Variants in DAPK2 observed in about 807,000 individuals in gnomAD.
DAPK2 encodes death associated protein kinase 2.
Under a neutral mutation model 44.1 loss-of-function variants are expected in DAPK2, and 35 were observed. The observed-to-expected ratio is 0.79, with a 90% CI of 0.61 to 1.05. The LOEUF (loss-of-function observed/expected upper bound fraction) is 1.05, where lower values mean the gene tolerates loss of function less well. Ranked by LOEUF, DAPK2 falls within the 50% of genes least tolerant of loss-of-function variation. DAPK2 has a pLI of 0.00. For missense variants in DAPK2, 453 were observed against 483.2 expected (o/e 0.94, Z 0.59); for synonymous variants, 174 against 182.6 (o/e 0.95, Z 0.38).
Position 63,923,935 on chromosome 15 carries a change from C to T in DAPK2, c.858+881G>A. 6.6e-6 allele frequency among the ~76,000 whole-genome samples: 1 copy of T among 152,192 alleles called. No homozygotes were observed. Among genetic ancestry groups the T allele is most frequent in the Non-Finnish European group, 1.5e-5 (1 of 68,040 alleles). On this transcript the variant is annotated intron_variant, in intron 8 of 10. Coordinates refer to ENST00000261891, the Ensembl canonical transcript of DAPK2. The surrounding 1 kb of genome is among the most constrained non-coding windows in gnomAD (Gnocchi z 4.2). Reference sequence around the variant, plus strand: ...TGGGCTCAAGTCATCCTTCTGCTGCCTCGGCCTCCCAAAGTGCTGGGATTA... The same window carrying T: ...TGGGCTCAAGTCATCCTTCTGCTGCTTCGGCCTCCCAAAGTGCTGGGATTA...
intron 3 of DAPK2, among the ~76,000 whole-genome samples, chr15:63,967,594 G>A (rs910314121): frequency 1.3e-5 from 2 of 152,124 alleles, no homozygotes; most frequent in African/African-American, 2.4e-5. Context: ...AGGAGGCTGA[G>A]GCAGGAGAAT....
rs567444356 is a variant in DAPK2 at position 63,966,280 on chromosome 15, C to T, written c.453+5143G>A. Among the ~76,000 whole-genome samples the T allele has an allele frequency of 6.6e-6, 1 of 152,234 alleles. No homozygotes were observed. Among genetic ancestry groups the T allele is most frequent in the Non-Finnish European group, 1.5e-5 (1 of 68,026 alleles). On this transcript the variant is annotated intron_variant, in intron 3 of 10. Transcript: ENST00000261891. This position sits in a 1 kb window ranked among gnomAD's most constrained non-coding sequence, Gnocchi z 5.5. ...AGACTCTGCCTTGTGCCCTTTCTTA[C>T]TGTGGCTGAGCTGGTATCCAAATTG... is the stretch of plus-strand genomic sequence containing the variant.
chr15:63,926,614 T>G lies in DAPK2; in HGVS notation c.660-521A>C, dbSNP rs557679184. On this transcript the variant is annotated intron_variant, in intron 6 of 10. Coordinates refer to ENST00000261891, the Ensembl canonical transcript of DAPK2. ...TGGGCCATTAGGGACAAGAAGGGTC[T>G]GTGTGGTTCCCCAACAGGGTTTGTC... is the stretch of plus-strand genomic sequence containing the variant. Among the ~76,000 whole-genome samples, 162 of 149,198 alleles carry G rather than the reference T, an allele frequency of 1.1e-3. 3 individuals are homozygous for G. The South Asian group carries it at 0.033, about 30-fold the overall frequency.
chr15:63,959,245 A>G (rs1340396291), intron 3 of DAPK2, among the ~76,000 whole-genome samples: 1 of 152,182 alleles, frequency 6.6e-6, no homozygotes, highest in Non-Finnish European at 1.5e-5. Flanking sequence ...CAGCTTAAGG[A>G]GATTTTGGGC....
intron 1 of DAPK2, among the ~76,000 whole-genome samples, chr15:64,010,671 C>T (rs567437754): frequency 5.3e-5 from 8 of 152,290 alleles, no homozygotes; most frequent in Admixed American, 3.3e-4. Flanking sequence ...CAGTTTTGGT[C>T]TCTCATTTGT....
intron 1 of DAPK2, among the ~76,000 whole-genome samples, chr15:64,014,219 G>A (rs2079462598): frequency 6.6e-6 from 1 of 152,204 alleles, no homozygotes; most frequent in South Asian, 2.1e-4. Context: ...AGCACTGCTG[G>A]GACCAGGATC....
intron 3 of DAPK2, among the ~76,000 whole-genome samples, chr15:63,950,946 T>C (rs937768249): frequency 1.3e-5 from 2 of 152,196 alleles, no homozygotes; most frequent in African/African-American, 4.8e-5. Flanking sequence ...CATCACACAT[T>C]ATTAAAGGAC....
chr15:64,023,433 G>T (rs1278369317), intron 1 of DAPK2, among the ~76,000 whole-genome samples: 1 of 152,246 alleles, frequency 6.6e-6, no homozygotes, highest in African/African-American at 2.4e-5. Context: ...CACGGTGGGG[G>T]AAGGGCAGAT....
At chr15:63,997,384 GTGGCACGATCT>G (rs2078977362) in intron 1 of DAPK2, among the ~76,000 whole-genome samples, 1 of 152,214 alleles carries the variant, frequency 6.6e-6, no homozygotes, top group African/African-American at 2.4e-5. Flanking sequence ...CTGGAGTGCA[GTGGCACGATCT>G]TGGCTCACTG....
chr15:64,017,303 T>G (rs1222734743), intron 1 of DAPK2, among the ~76,000 whole-genome samples: 1 of 152,204 alleles, frequency 6.6e-6, no homozygotes, highest in Admixed American at 6.5e-5. Flanking sequence ...ATGCAGCTAA[T>G]AGTGTCTATC....
chr15:64,046,338 G>A (rs930490087), upstream of DAPK2: 1 of 166,396 alleles, frequency 6.0e-6, no homozygotes, highest in Non-Finnish European at 7.2e-6. This position sits in a 1 kb window ranked among gnomAD's most constrained non-coding sequence, Gnocchi z 5.3. Flanking sequence ...CGCGGCAGGC[G>A]CGGCGGGAGC....
At chr15:64,040,874 A>G (rs1292723445), upstream of DAPK2, among the ~76,000 whole-genome samples, 1 of 128,262 alleles carries the variant, frequency 7.8e-6, no homozygotes, top group African/African-American at 3.0e-5. Flanking sequence ...AGATCACACC[A>G]CTGCACTCCA....
At chr15:63,947,181 C>G (rs749867217) in intron 3 of DAPK2, among the ~76,000 whole-genome samples, 23 of 152,198 alleles carry the variant, frequency 1.5e-4, no homozygotes, top group Non-Finnish European at 2.9e-4. Flanking sequence ...CCTTCTCCCC[C>G]TCTCCACCCA....
At chr15:64,017,881 C>T (rs2079573276) in intron 1 of DAPK2, among the ~76,000 whole-genome samples, 1 of 152,200 alleles carries the variant, frequency 6.6e-6, no homozygotes, top group African/African-American at 2.4e-5. Context: ...ACAAACACCA[C>T]TGCTCCTTGC....
intron 4 of DAPK2, among the ~76,000 whole-genome samples, chr15:63,934,249 GTTTTTTTTT>G (rs772176640): frequency 3.2e-5 from 2 of 63,286 alleles, no homozygotes; most frequent in Non-Finnish European, 6.0e-5. Context: ...TTTTATCCTA[GTTTTTTTTT>G]TTTTTTTTTT....
At chr15:64,011,259 G>T (rs2079382072) in intron 1 of DAPK2, among the ~76,000 whole-genome samples, 1 of 152,168 alleles carries the variant, frequency 6.6e-6, no homozygotes, top group African/African-American at 2.4e-5. Context: ...CTAAAAGTTA[G>T]AGAGTAAAGA....
rs1380941934 is a variant in DAPK2 at position 64,020,109 on chromosome 15, A to G, written c.92+20061T>C. On this transcript the variant is annotated intron_variant, in intron 1 of 10. Coordinates refer to ENST00000261891, the Ensembl canonical transcript of DAPK2. The surrounding 1 kb of genome is among the most constrained non-coding windows in gnomAD (Gnocchi z 4.5). The stretch of plus-strand genomic sequence containing the variant: ...TGAGTGATTCCTGCCCCAGCTGAGT[A>G]GACAGCCCATGGCCCAGTAAGAACA... Among the ~76,000 whole-genome samples the G allele has an allele frequency of 6.6e-6, 1 of 152,220 alleles. No homozygotes were observed. Among genetic ancestry groups the G allele is most frequent in the Non-Finnish European group, 1.5e-5 (1 of 68,034 alleles).
At chr15:63,978,263 C>A (rs2078409219) in intron 2 of DAPK2, among the ~76,000 whole-genome samples, 1 of 152,212 alleles carries the variant, frequency 6.6e-6, no homozygotes, top group African/African-American at 2.4e-5. Flanking sequence ...GAACCCAGCT[C>A]CACCCTTAGT....
intron 1 of DAPK2, among the ~76,000 whole-genome samples, chr15:64,010,425 T>C (rs186229261): frequency 5.6e-4 from 85 of 152,226 alleles, no homozygotes; most frequent in Non-Finnish European, 9.0e-4. Flanking sequence ...CTCTGCCAAC[T>C]TTCCCAACTA....
Sources: allele counts gnomAD v4.1 joint callset (sites outside exome capture counted in the v4.1 genomes callset), GRCh38; gene constraint gnomAD v4.1.1; non-coding constraint Gnocchi (gnomAD v3.1); transcripts MANE v1.5; gene names NCBI Gene and HGNC (gene_info 2026-07-23, HGNC 2026-07-21).